CFAP47: variants seen among roughly 807,000 people sequenced by gnomAD.
CFAP47 encodes cilia and flagella associated protein 47.
CFAP47 carries 29 observed loss-of-function variants against 148.1 expected under a neutral mutation model. The observed-to-expected ratio is 0.20, with a 90% CI of 0.15 to 0.27. CFAP47 has a LOEUF of 0.27. Ranked by LOEUF, CFAP47 falls within the 10% of genes least tolerant of loss-of-function variation. CFAP47 has a pLI of 1.00. For missense variants in CFAP47, 1,872 were observed against 1,697.5 expected (o/e 1.10, Z -1.81); for synonymous variants, 664 against 577.3 (o/e 1.15, Z -2.15).
intron 22 of CFAP47, among the ~76,000 whole-genome samples, chrX:36,019,671 G>A (rs1265338599): frequency 1.8e-5 from 2 of 111,825 alleles, no homozygotes; most frequent in Non-Finnish European, 3.8e-5. Context: ...TGCATTGTAT[G>A]TGTCTAGGAA....
chrX:36,145,512 G>T (rs73629592), intron 36 of CFAP47, among the ~76,000 whole-genome samples, 159 bp downstream of exon 36: 6,600 of 111,638 alleles, frequency 0.059, 518 homozygotes, highest in African/African-American at 0.2. Flanking sequence ...CTAAGCCAAA[G>T]GTCTAGATGA....
At chrX:36,306,373 T>C (rs1941348722) in intron 54 of CFAP47, among the ~76,000 whole-genome samples, 1 of 111,957 alleles carries the variant, frequency 8.9e-6, no homozygotes, top group Admixed American at 9.5e-5. Context: ...AGTTCATTTC[T>C]TTTGAAATGA....
chrX:35,964,889 G>A (rs1358194612), intron 8 of CFAP47, among the ~76,000 whole-genome samples: 1 of 110,991 alleles, frequency 9.0e-6, no homozygotes, highest in Non-Finnish European at 1.9e-5. Flanking sequence ...CTTTTGACCT[G>A]TTTCCCTTCA....
At chrX:36,111,892 G>T (rs865896195) in intron 33 of CFAP47, among the ~76,000 whole-genome samples, 9 of 111,811 alleles carry the variant, frequency 8.0e-5, no homozygotes, top group African/African-American at 1.9e-4. Flanking sequence ...TAGTTTATGT[G>T]CTTAGAGGTG....
At chrX:36,084,005 ACTATT>A (rs1938035138) in intron 29 of CFAP47, among the ~76,000 whole-genome samples, 1 of 110,830 alleles carries the variant, frequency 9.0e-6, no homozygotes, top group African/African-American at 3.3e-5. Flanking sequence ...CAGTATGAAT[ACTATT>A]CTATGACCTA....
intron 33 of CFAP47, among the ~76,000 whole-genome samples, chrX:36,119,575 A>G (rs1320860402): frequency 9.0e-6 from 1 of 111,611 alleles, no homozygotes; most frequent in Non-Finnish European, 1.9e-5. Flanking sequence ...TTGGCCTTGT[A>G]GGATGAGTTT....
intron 35 of CFAP47, among the ~76,000 whole-genome samples, chrX:36,141,014 G>A (rs1036508661): frequency 1.8e-5 from 2 of 109,557 alleles, no homozygotes; most frequent in African/African-American, 6.6e-5. Flanking sequence ...TTAATGAGTA[G>A]TGATTGGAGC....
chrX:36,054,450 T>TG (rs1353609887), intron 26 of CFAP47, among the ~76,000 whole-genome samples: 3 of 112,191 alleles, frequency 2.7e-5, no homozygotes, highest in Non-Finnish European at 3.8e-5. Context: ...AAATATTTTT[T>TG]CTGTTTAAAA....
At chrX:35,955,876 A>C (rs1936237336) in intron 7 of CFAP47, 85 bp from the exon 8 acceptor site, 1 of 1,144,946 alleles carries the variant, frequency 8.7e-7, no homozygotes, top group South Asian at 2.1e-5. Flanking sequence ...TGCATTAGGT[A>C]TTTCAGACAA....
intron 46 of CFAP47, among the ~76,000 whole-genome samples, chrX:36,234,306 G>T (rs1404320609): frequency 1.8e-5 from 2 of 110,909 alleles, no homozygotes; most frequent in African/African-American, 6.6e-5. Context: ...TGGAGGCTTT[G>T]TTCATTTCTT....
chrX:36,152,118 T>C (rs747130226), intron 37 of CFAP47, among the ~76,000 whole-genome samples: 7 of 110,031 alleles, frequency 6.4e-5, no homozygotes, highest in Non-Finnish European at 1.1e-4. Flanking sequence ...TCTTCTCTCT[T>C]TTTTTTTAGC....
At chrX:36,145,692 C>G (rs1939223395) in intron 36 of CFAP47, among the ~76,000 whole-genome samples, 1 of 110,115 alleles carries the variant, frequency 9.1e-6, no homozygotes, top group African/African-American at 3.3e-5. Flanking sequence ...TTATGTTTGT[C>G]TCTCTTAATA....
At chrX:36,146,778 CT>C (rs568139660) in intron 36 of CFAP47, among the ~76,000 whole-genome samples, 3,570 of 87,675 alleles carry the variant, frequency 0.041, 173 homozygotes, top group African/African-American at 0.14. Flanking sequence ...TATTTCTTTT[CT>C]TTTTTTTTTT....
intron 57 of CFAP47, among the ~76,000 whole-genome samples, chrX:36,337,079 T>A (rs1941612358): frequency 8.9e-6 from 1 of 112,469 alleles, no homozygotes; most frequent in African/African-American, 3.2e-5. Context: ...CTAAAGCATG[T>A]GAGTTTCCGA....
intron 33 of CFAP47, among the ~76,000 whole-genome samples, chrX:36,114,203 C>T (rs1601987934): frequency 1.8e-5 from 2 of 111,541 alleles, no homozygotes. Context: ...TCTATGACGT[C>T]GATTACATTC....
intron 48 of CFAP47, among the ~76,000 whole-genome samples, chrX:36,247,421 A>G (rs1940629955): frequency 9.0e-6 from 1 of 111,248 alleles, no homozygotes; most frequent in East Asian, 2.8e-4. Context: ...CTGTATCTAA[A>G]ATAAAAATTG....
chrX:36,271,843 T>C (rs5973631), intron 49 of CFAP47, among the ~76,000 whole-genome samples: 26,997 of 110,556 alleles, frequency 0.24, 2,864 homozygotes, highest in African/African-American at 0.39. Context: ...AGAAAGTTTA[T>C]GGGAACAATA....
chrX:36,233,094 G>T (rs1602059245), intron 46 of CFAP47, among the ~76,000 whole-genome samples: 1 of 112,009 alleles, frequency 8.9e-6, no homozygotes, highest in Non-Finnish European at 1.9e-5. Flanking sequence ...ATATTCTGTT[G>T]ATTTGGGGTG....
At chrX:36,080,188 C>A (rs939104066) in intron 29 of CFAP47, among the ~76,000 whole-genome samples, 1 of 112,013 alleles carries the variant, frequency 8.9e-6, no homozygotes, top group Non-Finnish European at 1.9e-5. Flanking sequence ...AAATGCTCAT[C>A]ATCACTGGTC....
Sources: gnomAD v4.1 joint callset for allele counts (sites outside exome capture counted in the v4.1 genomes callset) on GRCh38, gnomAD v4.1.1 for gene constraint, MANE v1.5 for transcripts, NCBI Gene and HGNC (gene_info 2026-07-23, HGNC 2026-07-21) for gene names.